TLN2: variants seen among roughly 807,000 people sequenced by gnomAD.
TLN2 encodes the protein talin 2.
Under a neutral mutation model 294.7 loss-of-function variants are expected in TLN2, and 118 were observed. The ratio of observed to expected loss-of-function variants is 0.40; its 90% CI spans 0.34 to 0.47. The LOEUF (loss-of-function observed/expected upper bound fraction) is 0.47, where lower values mean the gene tolerates loss of function less well. TLN2 is among the 20% of genes least tolerant of loss of function. The pLI is 0.84. For missense variants in TLN2, 3,083 were observed against 3,282.2 expected (o/e 0.94, Z 1.48); for synonymous variants, 1,431 against 1,304.5 (o/e 1.10, Z -2.09).
intron 11 of TLN2, among the ~76,000 whole-genome samples, chr15:62,685,358 A>G (rs77030387): frequency 0.014 from 2,097 of 152,312 alleles, 60 homozygotes; most frequent in African/African-American, 0.048. Context: ...TGTTTCATCT[A>G]CAGCCATACC....
At chr15:62,768,210 C>T (rs1372436295) in intron 41 of TLN2, among the ~76,000 whole-genome samples, 3 of 152,200 alleles carry the variant, frequency 2.0e-5, no homozygotes, top group Admixed American at 6.5e-5. Flanking sequence ...AGTTCTGTGG[C>T]TTAAAACAAC....
intron 1 of TLN2, among the ~76,000 whole-genome samples, chr15:62,544,935 CT>C (rs879323526): frequency 3.7e-4 from 54 of 145,772 alleles, no homozygotes; most frequent in Admixed American, 7.5e-4. Context: ...GATGACCTCA[CT>C]TTTTTTTTTT....
chr15:62,684,860 T>C (rs574060259), intron 11 of TLN2, among the ~76,000 whole-genome samples: 1 of 150,084 alleles, frequency 6.7e-6, no homozygotes, highest in Admixed American at 6.7e-5. Context: ...TAACAGATGG[T>C]GCTTATTAAG....
At chr15:62,731,962 A>G (rs1161915062) in intron 28 of TLN2, among the ~76,000 whole-genome samples, 1 of 152,226 alleles carries the variant, frequency 6.6e-6, no homozygotes, top group Admixed American at 6.5e-5. Context: ...ACAAAGTTAT[A>G]GTACAGTATA....
intron 1 of TLN2, among the ~76,000 whole-genome samples, chr15:62,584,395 T>C (rs2045409399): frequency 6.6e-6 from 1 of 152,244 alleles, no homozygotes; most frequent in South Asian, 2.1e-4. Flanking sequence ...AAAGGATTTC[T>C]GGGGCTTTTC....
chr15:62,470,839 T>C (rs1475044961), intron 1 of TLN2, among the ~76,000 whole-genome samples: 1 of 152,164 alleles, frequency 6.6e-6, no homozygotes, highest in Non-Finnish European at 1.5e-5. Flanking sequence ...AGAGAACATA[T>C]CAAGACAAAA....
At chr15:62,651,871 A>G (rs1567266831) in intron 5 of TLN2, 134 bp from the exon 6 acceptor site, 1 of 1,103,386 alleles carries the variant, frequency 9.1e-7, no homozygotes, top group Non-Finnish European at 1.2e-6. Context: ...AAGGTTTTCA[A>G]AGATGTTTTA....
intron 46 of TLN2, 82 bp downstream of exon 46, chr15:62,792,869 A>C: frequency 1.9e-6 from 3 of 1,557,924 alleles, no homozygotes; most frequent in Non-Finnish European, 2.6e-6. Flanking sequence ...CAAAAGCAGG[A>C]AACTCAGCCA....
intron 4 of TLN2, among the ~76,000 whole-genome samples, chr15:62,647,820 A>G (rs2052072883): frequency 6.6e-6 from 1 of 152,098 alleles, no homozygotes; most frequent in South Asian, 2.1e-4. Flanking sequence ...AACGCTTTCC[A>G]CTGCCATTGG....
chr15:62,603,176 G>GCCAC (rs2047145008), intron 2 of TLN2, among the ~76,000 whole-genome samples: 1 of 152,184 alleles, frequency 6.6e-6, no homozygotes, highest in African/African-American at 2.4e-5. Flanking sequence ...ACAGGCGTGA[G>GCCAC]CCACCGCGCC....
intron 1 of TLN2, among the ~76,000 whole-genome samples, chr15:62,451,265 T>A (rs965962427): frequency 6.6e-6 from 1 of 152,160 alleles, no homozygotes; most frequent in Non-Finnish European, 1.5e-5. Flanking sequence ...CTGCCCCATG[T>A]GTCTAGGGCG....
intron 42 of TLN2, among the ~76,000 whole-genome samples, chr15:62,771,512 G>A (rs1476811853): frequency 1.3e-5 from 2 of 152,112 alleles, no homozygotes; most frequent in African/African-American, 4.8e-5. Flanking sequence ...TAACACTTAA[G>A]AGACTGCAGT....
At chr15:62,390,847 A>C (rs192678469) in intron 1 of TLN2, among the ~76,000 whole-genome samples, 162 bp downstream of exon 1, 4 of 152,270 alleles carry the variant, frequency 2.6e-5, no homozygotes, top group Non-Finnish European at 5.9e-5. Context: ...AAAACCCGTA[A>C]AGCTCCCAGA....
At chr15:62,774,874 T>A (rs1269729383) in intron 42 of TLN2, among the ~76,000 whole-genome samples, 1 of 151,830 alleles carries the variant, frequency 6.6e-6, no homozygotes, top group African/African-American at 2.4e-5. Flanking sequence ...TGCATGAGAG[T>A]ACAGATCCTT....
chr15:62,625,009 C>T (rs140988038), intron 3 of TLN2, among the ~76,000 whole-genome samples: 43 of 152,214 alleles, frequency 2.8e-4, no homozygotes, highest in African/African-American at 9.6e-4. Context: ...TATTTTTTGG[C>T]TGCCTGAAGG....
chr15:62,784,265 T>C (rs868657950), intron 45 of TLN2: 1 of 357,336 alleles, frequency 2.8e-6, no homozygotes. Context: ...TTATTTTTGT[T>C]TTCCATAGGT....
chr15:62,688,837 A>C (rs75213588), intron 12 of TLN2, among the ~76,000 whole-genome samples: 1,558 of 152,230 alleles, frequency 0.01, 33 homozygotes, highest in African/African-American at 0.035. Context: ...TATAAAACTA[A>C]TGTGGGCATG....
intron 1 of TLN2, among the ~76,000 whole-genome samples, chr15:62,452,601 C>T (rs1427253981): frequency 6.6e-6 from 1 of 152,080 alleles, no homozygotes; most frequent in East Asian, 1.9e-4. Context: ...ACTGCTTATC[C>T]TCCTTCCCTC....
chr15:62,608,865 T>C (rs2047668419), intron 2 of TLN2, among the ~76,000 whole-genome samples: 1 of 151,972 alleles, frequency 6.6e-6, no homozygotes. Flanking sequence ...AGGAGATTAT[T>C]TCTAAACGAA....
Sources: allele counts gnomAD v4.1 joint callset (sites outside exome capture counted in the v4.1 genomes callset), GRCh38; gene constraint gnomAD v4.1.1; transcripts MANE v1.5; gene names NCBI Gene and HGNC (gene_info 2026-07-23, HGNC 2026-07-21).